PCYT1A: variants seen among roughly 807,000 people sequenced by gnomAD.
PCYT1A encodes phosphate cytidylyltransferase 1A, choline, also known as choline-phosphate cytidylyltransferase A.
A neutral mutation model predicts 43.7 loss-of-function variants in PCYT1A; 25 were observed. The observed-to-expected ratio is 0.57, with a 90% CI of 0.42 to 0.80. The LOEUF (loss-of-function observed/expected upper bound fraction) is 0.80. Ranked by LOEUF, PCYT1A falls within the 30% of genes least tolerant of loss-of-function variation. The pLI is 0.00. For missense variants in PCYT1A, 421 were observed against 474.2 expected (o/e 0.89, Z 1.04); for synonymous variants, 172 against 170.7 (o/e 1.01, Z -0.06).
Position 196,238,530 on chromosome 3 carries a change from G to T in PCYT1A, c.*158C>A. On this transcript the variant is annotated 3_prime_UTR_variant, in exon 9 of 9. Transcript: ENST00000431016. Reference sequence around the variant, plus strand: ...GTGAGTGATGTCACTTGCAGGACAGGCTGTTTGGGTTCCCCCAGTCCTAGG... The same window carrying T: ...GTGAGTGATGTCACTTGCAGGACAGTCTGTTTGGGTTCCCCCAGTCCTAGG... 1 of 503,336 alleles carries T rather than the reference G, an allele frequency of 2.0e-6. No homozygotes were observed. The highest frequency in any genetic ancestry group is 3.3e-5 in the East Asian group (1 of 29,960). 31.2% of individuals were successfully genotyped at this position (503,336 alleles called of 1,614,324 possible).
At chr3:196,262,205 A>G (rs922165642) in intron 2 of PCYT1A, among the ~76,000 whole-genome samples, 1 of 152,204 alleles carries the variant, frequency 6.6e-6, no homozygotes, top group African/African-American at 2.4e-5. Flanking sequence ...TATAAATGAA[A>G]GAACATGGGG....
In PCYT1A at chr3:196,252,897, C is replaced by CT. The variant is rs1158559969; in HGVS notation, c.218-4575dup. Among the ~76,000 whole-genome samples, 2 of 143,644 alleles carry CT rather than the reference C, an allele frequency of 1.4e-5. No individual in the cohort carries two copies. The highest frequency in any genetic ancestry group is 3.1e-5 in the Non-Finnish European group (2 of 65,328). 94.2% of individuals were successfully genotyped at this position (143,644 alleles called of 152,430 possible). ...ATTTTTTACTGCCAGCATGTGTCAA[C>CT]TAAAAAAAAAGAAGAAAAAAATATT... is the stretch of plus-strand genomic sequence containing the variant. On this transcript the variant is annotated intron_variant, in intron 3 of 8. Transcript: ENST00000431016. The surrounding 1 kb of genome is among the most constrained non-coding windows in gnomAD (Gnocchi z 4.0).
At chr3:196,279,058 C>G (rs1234706063) in intron 1 of PCYT1A, among the ~76,000 whole-genome samples, 1 of 149,624 alleles carries the variant, frequency 6.7e-6, no homozygotes, top group South Asian at 2.1e-4. Context: ...GAGGCCAAGG[C>G]GGGAGGATCA....
chr3:196,253,279 G>A (rs1413646301), intron 3 of PCYT1A, among the ~76,000 whole-genome samples: 2 of 144,578 alleles, frequency 1.4e-5, no homozygotes, highest in African/African-American at 5.0e-5. Flanking sequence ...AGAGGTTGCA[G>A]TGAGCTGAGA....
chr3:196,276,630 G>A (rs1028768736), intron 1 of PCYT1A, among the ~76,000 whole-genome samples: 8 of 150,888 alleles, frequency 5.3e-5, no homozygotes, highest in African/African-American at 1.9e-4. Context: ...AAAAAATTAA[G>A]TACAAACTAT....
intron 8 of PCYT1A, 94 bp from the exon 9 acceptor site, chr3:196,238,988 A>G (rs936342298): frequency 1.4e-6 from 1 of 692,036 alleles, no homozygotes; most frequent in South Asian, 3.9e-5. Context: ...ATGCTGTACT[A>G]TTTATTTAAG....
At chr3:196,264,668 T>C (rs539627786) in intron 2 of PCYT1A, among the ~76,000 whole-genome samples, 3 of 152,348 alleles carry the variant, frequency 2.0e-5, no homozygotes, top group African/African-American at 7.2e-5. Context: ...AGCAGAACTA[T>C]GGCCATCCTG....
chr3:196,278,377 G>T (rs1026598773), intron 1 of PCYT1A, among the ~76,000 whole-genome samples: 5 of 152,100 alleles, frequency 3.3e-5, no homozygotes, highest in African/African-American at 1.2e-4. Flanking sequence ...TGGAAAAGGA[G>T]GTGGCTTTAA....
rs996641046 is a variant in PCYT1A at position 196,247,066 on chromosome 3, G to C, written c.486+301C>G. Reference sequence around the variant, plus strand: ...CTGCCAATGGTGTAACTTGGAGCAGGTTATTTGGTTTCTCTAGCCCTTGTT... The same window carrying C: ...CTGCCAATGGTGTAACTTGGAGCAGCTTATTTGGTTTCTCTAGCCCTTGTT... On this transcript the variant is annotated intron_variant, in intron 5 of 8. Transcript: ENST00000431016. This position sits in a 1 kb window ranked among gnomAD's most constrained non-coding sequence, Gnocchi z 4.8. Among the ~76,000 whole-genome samples, 1 of 152,218 alleles carries C rather than the reference G, an allele frequency of 6.6e-6. No homozygotes were observed. The highest frequency in any genetic ancestry group is 1.5e-5 in the Non-Finnish European group (1 of 68,048).
Position 196,242,370 on chromosome 3 carries a change from T to C in PCYT1A, c.565+192A>G. 1.4e-6 allele frequency: 1 copy of C among 704,072 alleles called. No individual in the cohort carries two copies. Among genetic ancestry groups the C allele is most frequent in the East Asian group, 2.7e-5 (1 of 37,098 alleles). 43.6% of individuals were successfully genotyped at this position (704,072 alleles called of 1,614,324 possible). A position where few individuals can be genotyped will look rare whatever the true frequency, so the allele number is the denominator to read the frequency against. ...CCAAAGTAGATGTTTAGACCAAGAA[T>C]TGATGGATGTCATGAACTGACGACA... is the stretch of plus-strand genomic sequence containing the variant. On this transcript the variant is annotated intron_variant, in intron 6 of 8. Transcript: ENST00000431016. The surrounding 1 kb of genome is among the most constrained non-coding windows in gnomAD (Gnocchi z 4.2).
At chr3:196,283,591 G>A (rs185977509) in intron 1 of PCYT1A, 29 of 152,164 alleles carry the variant, frequency 1.9e-4, no homozygotes, top group Admixed American at 1.8e-3. Context: ...ATTGTAGAAA[G>A]GAATTAGGAT....
intron 2 of PCYT1A, among the ~76,000 whole-genome samples, chr3:196,259,274 T>A (rs1725037169): frequency 6.6e-6 from 1 of 152,210 alleles, no homozygotes; most frequent in Admixed American, 6.5e-5. Flanking sequence ...TATAAGTCTA[T>A]TAAGATTTTC....
chr3:196,257,056 AT>A (rs1374861041), intron 3 of PCYT1A, among the ~76,000 whole-genome samples: 1 of 152,196 alleles, frequency 6.6e-6, no homozygotes, highest in Non-Finnish European at 1.5e-5. Flanking sequence ...GTGAAAAAGG[AT>A]TGGAAAAAAA....
Position 196,242,224 on chromosome 3 carries a change from A to AT in PCYT1A, c.566-135_566-134insA. On this transcript the variant is annotated intron_variant, in intron 6 of 8. Coordinates refer to ENST00000431016, the MANE Select transcript of PCYT1A (RefSeq NM_001312673.2). The surrounding 1 kb of genome is among the most constrained non-coding windows in gnomAD (Gnocchi z 4.2). ...AATCTGTTATTACTAAATGAAACTG[A>AT]AAGATACTGATATACAGAAGGTAGA... The AT allele has an allele frequency of 1.1e-6, 1 of 880,706 alleles. No individual in the cohort carries two copies. The highest frequency in any genetic ancestry group is 1.6e-5 in the South Asian group (1 of 64,398). The allele number at this position is 880,706 out of a possible 1,614,324, so 54.6% of individuals were successfully genotyped here. A position where few individuals can be genotyped will look rare whatever the true frequency, so the allele number is the denominator to read the frequency against.
rs552993583 is a variant in PCYT1A, at chr3:196,238,853, G to A, written c.939C>T (p.Ala313=). The A allele has an allele frequency of 8.6e-6, 13 of 1,513,742 alleles. No homozygotes were observed. The highest frequency in any genetic ancestry group is 8.5e-5 in the African/African-American group (6 of 70,670). 93.8% of individuals were successfully genotyped at this position (1,513,742 alleles called of 1,614,324 possible). A position where few individuals can be genotyped will look rare whatever the true frequency, so the allele number is the denominator to read the frequency against. ...TGCTGGGGCTCTGCTTCGGGCTGATGGCCTGCAGCATCCGGCCCTTCCCCT... is the reference window on the plus strand; with the variant it reads ...TGCTGGGGCTCTGCTTCGGGCTGATAGCCTGCAGCATCCGGCCCTTCCCCT... ...LKEGKGRMLQ[A]ISPKQSPSSS... is the part of the protein sequence containing the mutation. Residue 313 remains alanine, a synonymous_variant, in exon 9 of 9, where the codon GCC becomes GCT. Transcript: ENST00000431016.
At chr3:196,278,637 A>G (rs1393104687) in intron 1 of PCYT1A, among the ~76,000 whole-genome samples, 2 of 152,026 alleles carry the variant, frequency 1.3e-5, no homozygotes, top group Non-Finnish European at 2.9e-5. Flanking sequence ...ATGGGCCAAC[A>G]CTTCCTGTTT....
At chr3:196,243,616 C>A (rs553732089) in intron 5 of PCYT1A, among the ~76,000 whole-genome samples, 1 of 152,328 alleles carries the variant, frequency 6.6e-6, no homozygotes, top group East Asian at 1.9e-4. Context: ...GCCATCTCTG[C>A]TCACTGCAAC....
Position 196,273,649 on chromosome 3 carries a change from G to A in PCYT1A, c.-10-3108C>T, listed in dbSNP as rs571562690. Among the ~76,000 whole-genome samples the A allele has an allele frequency of 1.3e-5, 2 of 152,242 alleles. No homozygotes were observed. Among genetic ancestry groups the A allele is most frequent in the Admixed American group, 1.3e-4 (2 of 15,300 alleles). On this transcript the variant is annotated intron_variant, in intron 1 of 8. Coordinates refer to ENST00000431016, the MANE Select transcript of PCYT1A (RefSeq NM_001312673.2). The surrounding 1 kb of genome is among the most constrained non-coding windows in gnomAD (Gnocchi z 4.1). The stretch of plus-strand genomic sequence containing the variant: ...GCAGCCCTCAGTGGAGAGGAGACCT[G>A]GAGTGGGAAGCTCCTATCCGCAGGC...
At chr3:196,266,758 C>T (rs1008176963) in intron 2 of PCYT1A, among the ~76,000 whole-genome samples, 10 of 151,654 alleles carry the variant, frequency 6.6e-5, no homozygotes, top group African/African-American at 1.5e-4. Context: ...GGCGTGGTGG[C>T]GGCGCATGCC....
Sources: gnomAD v4.1 joint callset for allele counts (sites outside exome capture counted in the v4.1 genomes callset) on GRCh38, gnomAD v4.1.1 for gene constraint, Gnocchi (gnomAD v3.1) non-coding constraint, MANE v1.5 for transcripts, NCBI Gene and HGNC (gene_info 2026-07-23, HGNC 2026-07-21) for gene names.